The following GLP2R variants were observed in gnomAD, a reference collection of about 807,000 sequenced individuals.
GLP2R encodes glucagon like peptide 2 receptor.
In GLP2R, 59 loss-of-function variants were observed where a neutral mutation model predicts 68.2. The ratio of observed to expected loss-of-function variants is 0.87; its 90% CI spans 0.70 to 1.07. GLP2R has a LOEUF of 1.07. GLP2R is among the 50% of genes least tolerant of loss of function. GLP2R has a pLI of 0.00. For missense variants in GLP2R, 548 were observed against 677.4 expected, an observed-to-expected ratio of 0.81 and a Z score of 2.12; for synonymous variants, 270 against 265.4, an observed-to-expected ratio of 1.02 and a Z score of -0.17.
chr17:9,847,571 G>A (rs551414651), intron 4 of GLP2R, among the ~76,000 whole-genome samples: 3 of 152,062 alleles, frequency 2.0e-5, no homozygotes, highest in South Asian at 2.1e-4. Flanking sequence ...CCCGGCCATC[G>A]TTTAATTTTT....
At chr17:9,863,933 C>T (rs1302147573) in intron 9 of GLP2R, among the ~76,000 whole-genome samples, 1 of 152,174 alleles carries the variant, frequency 6.6e-6, no homozygotes, top group Admixed American at 6.5e-5. Flanking sequence ...ACATTCTGGA[C>T]CCTGAAAGGT....
Position 9,880,316 on chromosome 17 carries a change from G to A in GLP2R, c.1146-62G>A, listed in dbSNP as rs114233324. Reference sequence around the variant, plus strand: ...TGCAACAAAGTCATGGCATGGAAGAGCAGGAAATGTTGCTTGTTCCCCATG... The same window carrying A: ...TGCAACAAAGTCATGGCATGGAAGAACAGGAAATGTTGCTTGTTCCCCATG... On this transcript the variant is annotated intron_variant, in intron 10 of 12. Coordinates refer to ENST00000262441, the MANE Select transcript of GLP2R (RefSeq NM_004246.3). 1,346 of 1,054,706 alleles carry A rather than the reference G, an allele frequency of 1.3e-3. 1 individual carries two copies. Among genetic ancestry groups the A allele is most frequent in the Non-Finnish European group, 1.8e-3 (1,239 of 704,292 alleles). 65.3% of individuals were successfully genotyped at this position (1,054,706 alleles called of 1,614,324 possible). A position where few individuals can be genotyped will look rare whatever the true frequency, so the allele number is the denominator to read the frequency against.
chr17:9,832,854 A>C (rs142532720), intron 1 of GLP2R, among the ~76,000 whole-genome samples: 1 of 152,380 alleles, frequency 6.6e-6, no homozygotes, highest in East Asian at 1.9e-4. Flanking sequence ...TCCAAGGTTC[A>C]GTGGCATGAA....
chr17:9,854,573 C>G lies in GLP2R; in HGVS notation c.583C>G (p.Leu195Val), dbSNP rs191831225. ...CTCCTTCTCTCTTATCTCCCTCTTC[C>G]TGGCTCTCACCCTCCTCTTGTTTCT... Reference protein sequence around the residue: ...GYSFSLISLFLALTLLLFLRK... With the variant: ...GYSFSLISLFVALTLLLFLRK... The change falls in exon 5 of 13, where the codon CTG becomes GTG. Residue 195 changes from leucine (L) to valine (V), a missense_variant. Physicochemically the swap from Leu to Val is conservative, Grantham distance 32. Coordinates refer to ENST00000262441, the MANE Select transcript of GLP2R (RefSeq NM_004246.3). 5 of 1,608,812 alleles carry G rather than the reference C, an allele frequency of 3.1e-6. No individual in the cohort carries two copies. In the African/African-American group the frequency reaches 5.3e-5, roughly 17 times the overall value.
chr17:9,880,684 A>G (rs1330870528), intron 11 of GLP2R, among the ~76,000 whole-genome samples, 168 bp downstream of exon 11: 1 of 152,220 alleles, frequency 6.6e-6, no homozygotes, highest in Non-Finnish European at 1.5e-5. Context: ...ACGGGGAAGT[A>G]TTGCGTTGAT....
At chr17:9,870,518 C>A (rs2067082200) in intron 9 of GLP2R, among the ~76,000 whole-genome samples, 1 of 152,138 alleles carries the variant, frequency 6.6e-6, no homozygotes, top group African/African-American at 2.4e-5. Flanking sequence ...GTTCAGATGA[C>A]CTTTGGGACT....
chr17:9,861,363 A>G (rs1172607895), intron 8 of GLP2R, among the ~76,000 whole-genome samples, 164 bp downstream of exon 8: 3 of 152,238 alleles, frequency 2.0e-5, no homozygotes, highest in Non-Finnish European at 2.9e-5. Context: ...GAGATCTTAT[A>G]GCAATTAGTT....
chr17:9,874,489 T>C (rs2067126817), intron 10 of GLP2R, among the ~76,000 whole-genome samples: 1 of 152,032 alleles, frequency 6.6e-6, no homozygotes. Flanking sequence ...TGAGACCCTT[T>C]TTCTTTAATA....
intron 9 of GLP2R, among the ~76,000 whole-genome samples, chr17:9,869,886 G>A (rs985300616): frequency 2.6e-5 from 4 of 152,192 alleles, no homozygotes; most frequent in Admixed American, 6.5e-5. Context: ...GAATAAGGGG[G>A]ATTAGCCTCC....
At chr17:9,854,126 C>CCATAGA (rs1432863922) in intron 4 of GLP2R, among the ~76,000 whole-genome samples, 2 of 152,146 alleles carry the variant, frequency 1.3e-5, no homozygotes, top group Non-Finnish European at 2.9e-5. Context: ...AAGGAAGGAC[C>CCATAGA]CATAGACCCT....
In GLP2R at chr17:9,835,025, CTTTTTTTTTTT is replaced by C. The variant is rs35950679; in HGVS notation, c.277+1143_277+1153del. 1.2e-3 allele frequency among the ~76,000 whole-genome samples: 101 copies of C among 83,194 alleles called. 1 individual carries two copies. Among genetic ancestry groups the C allele is most frequent in the African/African-American group, 4.5e-3 (97 of 21,674 alleles). 54.6% of individuals were successfully genotyped at this position (83,194 alleles called of 152,430 possible). The stretch of plus-strand genomic sequence containing the variant: ...AAGATTTCAATGCCAGAAACCTGGC[CTTTTTTTTTTT>C]TTTTTTTTTTTGAGACAGAGTCTCA... On this transcript the variant is annotated intron_variant, in intron 2 of 12. Transcript: ENST00000262441.
intron 4 of GLP2R, among the ~76,000 whole-genome samples, chr17:9,848,851 GC>G (rs1307217119): frequency 7.1e-6 from 1 of 140,196 alleles, no homozygotes; most frequent in African/African-American, 2.8e-5. Context: ...ATGTTAAATG[GC>G]ACTTTTAAAG....
chr17:9,828,496 C>A (rs762711686), intron 1 of GLP2R, among the ~76,000 whole-genome samples: 3 of 152,230 alleles, frequency 2.0e-5, no homozygotes, highest in African/African-American at 2.4e-5. Context: ...CCTGAGACAG[C>A]GCTCAGGATA....
chr17:9,881,875 T>G (rs2067199363), intron 11 of GLP2R, among the ~76,000 whole-genome samples: 1 of 152,100 alleles, frequency 6.6e-6, no homozygotes, highest in Non-Finnish European at 1.5e-5. Flanking sequence ...GCAGCGCAGG[T>G]CTTCATAGAG....
At chr17:9,867,710 G>A (rs1199489351) in intron 9 of GLP2R, among the ~76,000 whole-genome samples, 1 of 152,216 alleles carries the variant, frequency 6.6e-6, no homozygotes, top group Non-Finnish European at 1.5e-5. Context: ...GCACCCTGCA[G>A]TTAACAGACC....
intron 10 of GLP2R, among the ~76,000 whole-genome samples, chr17:9,879,817 C>A (rs1352295585): frequency 6.6e-6 from 1 of 152,194 alleles, no homozygotes; most frequent in African/African-American, 2.4e-5. Context: ...AACATGAGGG[C>A]TGACAGCGAA....
intron 4 of GLP2R, among the ~76,000 whole-genome samples, chr17:9,845,984 T>C (rs1251580958): frequency 6.6e-6 from 1 of 152,220 alleles, no homozygotes; most frequent in Admixed American, 6.5e-5. Context: ...TGATATGCTT[T>C]AGACATTTAA....
At chr17:9,887,079 A>C (rs1234480571) in intron 11 of GLP2R, among the ~76,000 whole-genome samples, 1 of 152,214 alleles carries the variant, frequency 6.6e-6, no homozygotes, top group Admixed American at 6.5e-5. Flanking sequence ...AACAAGCATT[A>C]ACTGGAGCAC....
intron 4 of GLP2R, among the ~76,000 whole-genome samples, chr17:9,851,346 G>A (rs1371400790): frequency 6.6e-6 from 1 of 152,164 alleles, no homozygotes; most frequent in East Asian, 1.9e-4. Flanking sequence ...TAGTCTATCT[G>A]GAAAGACAAG....
Sources: allele counts gnomAD v4.1 joint callset (sites outside exome capture counted in the v4.1 genomes callset), GRCh38; gene constraint gnomAD v4.1.1; transcripts MANE v1.5; gene names NCBI Gene and HGNC (gene_info 2026-07-23, HGNC 2026-07-21).